SPOCK3: variants seen among roughly 807,000 people sequenced by gnomAD.
The protein encoded by SPOCK3 is testican-3.
Under a neutral mutation model 56.6 loss-of-function variants are expected in SPOCK3, and 30 were observed. The observed-to-expected ratio is 0.53, with a 90% CI of 0.40 to 0.72. The LOEUF (loss-of-function observed/expected upper bound fraction) is 0.72. Among genes scored for constraint, SPOCK3 ranks in the 30% least tolerant of loss-of-function variants. SPOCK3 has a pLI of 0.00. For synonymous variants in SPOCK3, 196 were observed against 183.3 expected, an observed-to-expected ratio of 1.07 and a Z score of -0.56; for missense variants, 527 against 530.0, an observed-to-expected ratio of 0.99 and a Z score of 0.06.
intron 2 of SPOCK3, among the ~76,000 whole-genome samples, chr4:167,153,224 T>C (rs1764555161): frequency 6.6e-6 from 1 of 152,204 alleles, no homozygotes; most frequent in Non-Finnish European, 1.5e-5. Flanking sequence ...CATCTAATGC[T>C]CTTTGCCCTC....
Position 167,081,882 on chromosome 4 carries a change from G to T in SPOCK3, c.190-19345C>A, listed in dbSNP as rs561762258. 5.3e-5 allele frequency among the ~76,000 whole-genome samples: 8 copies of T among 151,850 alleles called. No homozygotes were observed. In the South Asian group the frequency reaches 1.5e-3, roughly 28 times the overall value. On this transcript the variant is annotated intron_variant, in intron 2 of 10. Transcript: ENST00000357545. ...ATACAGGAGGAAACCAAAAGAACTGGCCAACTTCTGTCTCATCTCCTGAAT... is the reference window on the plus strand; with the variant it reads ...ATACAGGAGGAAACCAAAAGAACTGTCCAACTTCTGTCTCATCTCCTGAAT...
At chr4:167,177,240 A>G (rs767619623) in intron 2 of SPOCK3, among the ~76,000 whole-genome samples, 3 of 152,130 alleles carry the variant, frequency 2.0e-5, no homozygotes, top group Non-Finnish European at 4.4e-5. Context: ...AGAACCCAGA[A>G]GAGCACAGAT....
chr4:166,784,725 T>C (rs1740555620), intron 7 of SPOCK3, among the ~76,000 whole-genome samples: 1 of 152,114 alleles, frequency 6.6e-6, no homozygotes, highest in Non-Finnish European at 1.5e-5. Flanking sequence ...AAGTGAGCAG[T>C]ATCTTGGTAA....
At chr4:167,025,221 CT>C (rs958376875) in intron 3 of SPOCK3, among the ~76,000 whole-genome samples, 265 of 141,874 alleles carry the variant, frequency 1.9e-3, no homozygotes, top group Middle Eastern at 3.8e-3. Flanking sequence ...CCACTGAATG[CT>C]TTTTTTTTTT....
chr4:166,838,359 G>GT (rs1249809001), intron 6 of SPOCK3, among the ~76,000 whole-genome samples: 2 of 151,616 alleles, frequency 1.3e-5, no homozygotes, highest in Non-Finnish European at 2.9e-5. Flanking sequence ...TGTTTTTGTT[G>GT]TTTTTTGTTT....
At chr4:167,141,714 G>A (rs780390559) in intron 2 of SPOCK3, among the ~76,000 whole-genome samples, 11 of 151,880 alleles carry the variant, frequency 7.2e-5, no homozygotes, top group Non-Finnish European at 1.5e-4. Flanking sequence ...GTAAATTAGA[G>A]GGCAAATCCA....
rs76816393 is a variant in SPOCK3 at position 166,996,359 on chromosome 4, T to C, written c.350+3990A>G. Among the ~76,000 whole-genome samples the C allele has an allele frequency of 7.7e-3, 1,165 of 152,268 alleles. 49 individuals carry two copies. In the East Asian group the frequency reaches 0.12, roughly 16 times the overall value. On this transcript the variant is annotated intron_variant, in intron 4 of 10. Coordinates refer to ENST00000357545, the MANE Select transcript of SPOCK3 (RefSeq NM_001040159.2). Reference sequence around the variant, plus strand: ...TGATCTAGAAATAGTGTTAATTATCTGCAGCTGCACAGGCAGCAAGGGAGC... The same window carrying C: ...TGATCTAGAAATAGTGTTAATTATCCGCAGCTGCACAGGCAGCAAGGGAGC...
intron 6 of SPOCK3, among the ~76,000 whole-genome samples, chr4:166,803,057 C>G (rs1445130007): frequency 6.6e-6 from 1 of 152,104 alleles, no homozygotes; most frequent in Non-Finnish European, 1.5e-5. Flanking sequence ...AAAGCACACA[C>G]ACATGAGCAC....
intron 2 of SPOCK3, among the ~76,000 whole-genome samples, chr4:167,151,939 C>A (rs1259963233): frequency 6.6e-6 from 1 of 152,162 alleles, no homozygotes; most frequent in Non-Finnish European, 1.5e-5. Context: ...TAGTGTCACA[C>A]TGGCTTTCAG....
chr4:167,024,199 A>G (rs1395310964), intron 3 of SPOCK3, among the ~76,000 whole-genome samples: 1 of 151,978 alleles, frequency 6.6e-6, no homozygotes, highest in African/African-American at 2.4e-5. Flanking sequence ...ACTTTTGCGC[A>G]CAACTTCTAC....
intron 2 of SPOCK3, among the ~76,000 whole-genome samples, chr4:167,208,654 A>G (rs901316280): frequency 1.3e-5 from 2 of 152,038 alleles, no homozygotes; most frequent in African/African-American, 4.8e-5. Flanking sequence ...TTTTGATAAC[A>G]TATTTACCAC....
chr4:166,870,629 G>T (rs2126943490), intron 6 of SPOCK3, among the ~76,000 whole-genome samples: 1 of 152,068 alleles, frequency 6.6e-6, no homozygotes, highest in Admixed American at 6.6e-5. Flanking sequence ...GAAGTCTGAA[G>T]AAAAACTAAA....
At chr4:166,823,307 T>C (rs914436193) in intron 6 of SPOCK3, among the ~76,000 whole-genome samples, 3 of 152,006 alleles carry the variant, frequency 2.0e-5, no homozygotes, top group South Asian at 2.1e-4. Flanking sequence ...GAGGACTTGA[T>C]ACAGGACTCT....
intron 2 of SPOCK3, among the ~76,000 whole-genome samples, chr4:167,107,422 A>T (rs1760261303): frequency 6.6e-6 from 1 of 151,876 alleles, no homozygotes; most frequent in South Asian, 2.1e-4. Flanking sequence ...ATTGTTGCCA[A>T]AAAAAGCATT....
chr4:167,152,878 T>G (rs997455479), intron 2 of SPOCK3, among the ~76,000 whole-genome samples: 4 of 152,198 alleles, frequency 2.6e-5, no homozygotes, highest in Non-Finnish European at 5.9e-5. Flanking sequence ...ATTTTTTTCT[T>G]AAGATGAAAT....
intron 8 of SPOCK3, chr4:166,754,096 T>C (rs891643701): frequency 1.0e-6 from 1 of 967,680 alleles, no homozygotes; most frequent in African/African-American, 1.8e-5. Context: ...TTCATTCAAC[T>C]CATTTAATAA....
chr4:166,810,443 A>T (rs1168767831), intron 6 of SPOCK3, among the ~76,000 whole-genome samples: 1 of 152,054 alleles, frequency 6.6e-6, no homozygotes, highest in Non-Finnish European at 1.5e-5. Flanking sequence ...TCTTTAACAG[A>T]AATATTTGCT....
chr4:167,154,260 A>C (rs372967239), intron 2 of SPOCK3, among the ~76,000 whole-genome samples: 9 of 152,008 alleles, frequency 5.9e-5, no homozygotes, highest in Admixed American at 5.2e-4. Flanking sequence ...GCATCTAGAA[A>C]GAGAGTAAGA....
At chr4:167,134,979 A>G (rs1169530239) in intron 2 of SPOCK3, among the ~76,000 whole-genome samples, 1 of 151,910 alleles carries the variant, frequency 6.6e-6, no homozygotes, top group Non-Finnish European at 1.5e-5. Flanking sequence ...ATAAAGTGAA[A>G]AAGATTGATC....
Sources: allele counts gnomAD v4.1 joint callset (sites outside exome capture counted in the v4.1 genomes callset), GRCh38; gene constraint gnomAD v4.1.1; transcripts MANE v1.5; gene names NCBI Gene and HGNC (gene_info 2026-07-23, HGNC 2026-07-21).